Variants in PTPRJ observed in about 807,000 individuals in gnomAD.
PTPRJ encodes protein tyrosine phosphatase receptor type J, also known as receptor-type tyrosine-protein phosphatase eta.
A neutral mutation model predicts 141.3 loss-of-function variants in PTPRJ; 129 were observed. The observed-to-expected ratio is 0.91, with a 90% confidence interval of 0.79 to 1.06. The LOEUF (loss-of-function observed/expected upper bound fraction) is 1.06. Ranked by LOEUF, PTPRJ falls within the 50% of genes least tolerant of loss-of-function variation. The pLI, the probability that PTPRJ is intolerant of heterozygous loss-of-function variation, is 0.00. For missense variants in PTPRJ, 1,601 were observed against 1,679.7 expected (o/e 0.95, Z 0.82); for synonymous variants, 610 against 640.5 (o/e 0.95, Z 0.72).
chr11:47,981,091 C>G, intron 1 of PTPRJ, 83 bp downstream of exon 1: 1 of 1,156,630 alleles, frequency 8.6e-7, no homozygotes, highest in Non-Finnish European at 1.1e-6. Flanking sequence ...CGTACCCCCC[C>G]GGGGGGTTCC....
intron 1 of PTPRJ, among the ~76,000 whole-genome samples, chr11:48,081,739 G>T (rs1855564201): frequency 6.6e-6 from 1 of 151,832 alleles, no homozygotes; most frequent in Non-Finnish European, 1.5e-5. Flanking sequence ...CTGGGCCCTG[G>T]GTTTACTTTT....
intron 8 of PTPRJ, among the ~76,000 whole-genome samples, 189 bp downstream of exon 8, chr11:48,130,905 A>G (rs1241609937): frequency 2.0e-5 from 3 of 151,514 alleles, no homozygotes; most frequent in African/African-American, 7.3e-5. Context: ...ACTTACATGG[A>G]AACCATCAAG....
At chr11:48,080,152 C>A (rs936206369) in intron 1 of PTPRJ, among the ~76,000 whole-genome samples, 2 of 152,166 alleles carry the variant, frequency 1.3e-5, no homozygotes, top group Non-Finnish European at 2.9e-5. Context: ...CTAAGCCTCT[C>A]ATTTTGCAGA....
chr11:48,067,501 CTG>C (rs776712518), intron 1 of PTPRJ, among the ~76,000 whole-genome samples: 2 of 152,160 alleles, frequency 1.3e-5, no homozygotes, highest in African/African-American at 4.8e-5. Context: ...GGCCCTCTGA[CTG>C]TGAATTTATT....
intron 12 of PTPRJ, among the ~76,000 whole-genome samples, chr11:48,143,503 C>T (rs987749478): frequency 1.3e-5 from 2 of 152,218 alleles, no homozygotes; most frequent in African/African-American, 4.8e-5. Flanking sequence ...GTCTCTCTCT[C>T]TCACTCTACA....
chr11:48,120,965 G>C lies in PTPRJ; in HGVS notation c.353-38G>C, dbSNP rs922144689. On this transcript the variant is annotated intron_variant, in intron 3 of 24. Coordinates refer to ENST00000418331, the MANE Select transcript of PTPRJ (RefSeq NM_002843.4). Reference sequence around the variant, plus strand: ...AGACCTCACTCTTACATTTCTTTTTGAAGTGCAATAATTTTTTTTTTTTTT... The same window carrying C: ...AGACCTCACTCTTACATTTCTTTTTCAAGTGCAATAATTTTTTTTTTTTTT... 10 of 1,478,518 alleles carry C rather than the reference G, an allele frequency of 6.8e-6. No homozygotes were observed. The African/African-American group carries it at 1.5e-4, about 22-fold the overall frequency. 91.6% of individuals were successfully genotyped at this position (1,478,518 alleles called of 1,614,324 possible).
chr11:47,994,785 C>T (rs1854288242), intron 1 of PTPRJ, among the ~76,000 whole-genome samples: 1 of 152,158 alleles, frequency 6.6e-6, no homozygotes, highest in Non-Finnish European at 1.5e-5. Context: ...CTCTGTTGCT[C>T]AGTAGAAATT....
At position 48,076,624 on chromosome 11, in the gene PTPRJ, C is replaced by T. The variant is rs1039485; in HGVS notation, c.97-33434C>T. Among the ~76,000 whole-genome samples the T allele has an allele frequency of 5.1e-4, 77 of 151,678 alleles. 1 individual carries two copies. The Middle Eastern group carries it at 0.01, about 20-fold the overall frequency. On this transcript the variant is annotated intron_variant, in intron 1 of 24. Coordinates refer to ENST00000418331, the MANE Select transcript of PTPRJ (RefSeq NM_002843.4). Reference sequence around the variant, plus strand: ...CTCCCACCAGCTCAGACATACTTGCCACTGAAGCCTGTAGGAATTGGCATC... The same window carrying T: ...CTCCCACCAGCTCAGACATACTTGCTACTGAAGCCTGTAGGAATTGGCATC...
In PTPRJ at chr11:48,123,857, A is replaced by C. The variant is rs1436721704; in HGVS notation, c.861A>C (p.Thr287=). ...SNKTKGDPLG[T]EGGLDASNTE... is the part of the protein sequence containing the mutation. ...AGACAAAGGGAGACCCCTTGGGCAC[A>C]GAAGGTGGCTTGGGTGAGTTACAAA... is the stretch of plus-strand genomic sequence containing the variant. The change falls in exon 5 of 25, where the codon ACA becomes ACC. Residue 287 remains threonine, a synonymous_variant. Coordinates refer to ENST00000418331, the MANE Select transcript of PTPRJ (RefSeq NM_002843.4). The C allele has an allele frequency of 6.2e-7, 1 of 1,614,030 alleles. No homozygotes were observed. Among genetic ancestry groups the C allele is most frequent in the South Asian group, 1.1e-5 (1 of 91,080 alleles).
intron 1 of PTPRJ, among the ~76,000 whole-genome samples, chr11:48,044,652 G>C (rs1438968017): frequency 6.6e-6 from 1 of 152,192 alleles, no homozygotes; most frequent in Admixed American, 6.5e-5. Flanking sequence ...AGATCGTAAG[G>C]TAGTTGGACC....
chr11:48,146,653 A>T (rs1318479060), intron 14 of PTPRJ, among the ~76,000 whole-genome samples: 1 of 152,162 alleles, frequency 6.6e-6, no homozygotes, highest in African/African-American at 2.4e-5. Context: ...GTAGTAGTGG[A>T]TTGGGAACAG....
intron 1 of PTPRJ, among the ~76,000 whole-genome samples, chr11:47,986,616 A>G (rs538116487): frequency 3.3e-5 from 5 of 152,302 alleles, no homozygotes; most frequent in Non-Finnish European, 5.9e-5. Flanking sequence ...TCCCGGGTTC[A>G]AGCAATTCTA....
chr11:48,139,861 T>C (rs1193016287), intron 11 of PTPRJ, 85 bp downstream of exon 11: 1 of 1,354,202 alleles, frequency 7.4e-7, no homozygotes, highest in Admixed American at 2.3e-5. Context: ...ACGTGTGGAC[T>C]AGAAATCTGT....
chr11:48,131,683 AGTAGTGGCAGCAGAGAACGTGTG>A, intron 8 of PTPRJ: 1 of 542,180 alleles, frequency 1.8e-6, no homozygotes, highest in Non-Finnish European at 3.3e-6. Context: ...GCTAGAATTG[AGTAGTGGCAGCAGAGAACGTGTG>A]GCTTGTGAAG....
intron 1 of PTPRJ, among the ~76,000 whole-genome samples, chr11:48,027,910 G>C (rs575879311): frequency 6.6e-6 from 1 of 151,768 alleles, no homozygotes; most frequent in African/African-American, 2.4e-5. Context: ...GCTTCGGAGA[G>C]CTCTTAGGTC....
chr11:48,091,238 C>T (rs1291479213), intron 1 of PTPRJ, among the ~76,000 whole-genome samples: 1 of 152,130 alleles, frequency 6.6e-6, no homozygotes, highest in Non-Finnish European at 1.5e-5. Context: ...TCTCAATTTT[C>T]CCTCTTGTAA....
chr11:48,120,494 T>G (rs4752900), intron 3 of PTPRJ, among the ~76,000 whole-genome samples: 2 of 151,922 alleles, frequency 1.3e-5, no homozygotes, highest in Non-Finnish European at 2.9e-5. Flanking sequence ...GGCGCGATCT[T>G]GGCTCACTGC....
At chr11:48,033,651 A>T (rs1418062132) in intron 1 of PTPRJ, among the ~76,000 whole-genome samples, 1 of 152,198 alleles carries the variant, frequency 6.6e-6, no homozygotes, top group Admixed American at 6.5e-5. Context: ...GAATGATGAG[A>T]CAGGGAGCAG....
In PTPRJ at chr11:48,046,889, CATAT is replaced by C. The variant is rs1243672838; in HGVS notation, c.97-63148_97-63145del. Reference sequence around the variant, plus strand: ...TGCCTTTCTATGAATAATATGTTTACATATATATATATATATATATATATTTTTT... The same window carrying C: ...TGCCTTTCTATGAATAATATGTTTACATATATATATATATATATATTTTTT... On this transcript the variant is annotated intron_variant, in intron 1 of 24. Coordinates refer to ENST00000418331, the MANE Select transcript of PTPRJ (RefSeq NM_002843.4). Among the ~76,000 whole-genome samples the C allele has an allele frequency of 1.4e-3, 109 of 76,906 alleles. 1 individual carries two copies. Among genetic ancestry groups the C allele is most frequent in the Middle Eastern group, 9.6e-3 (1 of 104 alleles). The allele number at this position is 76,906 out of a possible 152,430, so 50.5% of individuals were successfully genotyped here. A position where few individuals can be genotyped will look rare whatever the true frequency, so the allele number is the denominator to read the frequency against.
Sources: allele counts gnomAD v4.1 joint callset (sites outside exome capture counted in the v4.1 genomes callset), GRCh38; gene constraint gnomAD v4.1.1; transcripts MANE v1.5; gene names NCBI Gene and HGNC (gene_info 2026-07-23, HGNC 2026-07-21).